ATP6V1E2: variants seen among roughly 807,000 people sequenced by gnomAD.
The protein encoded by ATP6V1E2 is V-type proton ATPase subunit E 2.
For missense variants in ATP6V1E2, 308 were observed against 273.3 expected, an observed-to-expected ratio of 1.13 and a Z score of -0.90; for synonymous variants, 121 against 104.2, an observed-to-expected ratio of 1.16 and a Z score of -0.98.
intron 4 of ATP6V1E2, among the ~76,000 whole-genome samples, chr2:46,532,174 G>A (rs1332255557): frequency 6.6e-6 from 1 of 151,996 alleles, no homozygotes; most frequent in Non-Finnish European, 1.5e-5. Flanking sequence ...AATTCATTTT[G>A]AGTAAATGTC....
At position 46,539,818 on chromosome 2, in the gene ATP6V1E2, C is replaced by T. The variant is rs559912825; in HGVS notation, c.-310+1572G>A. The stretch of plus-strand genomic sequence containing the variant: ...CTCTTAAGCCCCAGGTCAATGACAT[C>T]ACTTCTGCAAATCCTTCCTCAACAC... On this transcript the variant is annotated intron_variant, in intron 2 of 4. Coordinates refer to ENST00000522587, the MANE Select transcript of ATP6V1E2 (RefSeq NM_001318063.2). Among the ~76,000 whole-genome samples the T allele has an allele frequency of 2.0e-5, 3 of 152,340 alleles. No homozygotes were observed. The South Asian group carries it at 6.2e-4, about 32-fold the overall frequency.
intron 4 of ATP6V1E2, chr2:46,518,822 C>T (rs1392256426): frequency 7.2e-6 from 1 of 138,384 alleles, no homozygotes; most frequent in Admixed American, 7.6e-5. Flanking sequence ...TTTAAGGCTC[C>T]CCGGGTAACC....
chr2:46,518,545 G>A (rs1316005568), intron 4 of ATP6V1E2, among the ~76,000 whole-genome samples: 5 of 140,718 alleles, frequency 3.6e-5, no homozygotes, highest in South Asian at 2.2e-4. Context: ...CCAGAAACCC[G>A]TACCACTTCC....
At chr2:46,514,731 A>C (rs905067205) in intron 4 of ATP6V1E2, among the ~76,000 whole-genome samples, 3 of 152,196 alleles carry the variant, frequency 2.0e-5, no homozygotes, top group Non-Finnish European at 4.4e-5. Flanking sequence ...AAGGATAGAA[A>C]GTTTTTAAAG....
In ATP6V1E2 at chr2:46,535,894, T is replaced by C. The variant is rs896342910; in HGVS notation, c.-183A>G. On this transcript the variant is annotated 5_prime_UTR_variant, in exon 4 of 5. Transcript: ENST00000522587. The surrounding 1 kb of genome is among the most constrained non-coding windows in gnomAD (Gnocchi z 4.4). ...TCCACTATGGAAGAACAACTCTGTG[T>C]GAGTCTTGGGATGGTTTTCTGGCAC... The C allele has an allele frequency of 1.3e-5, 2 of 152,252 alleles. No homozygotes were observed. The highest frequency in any genetic ancestry group is 6.5e-5 in the Admixed American group (1 of 15,288). 9.4% of individuals were successfully genotyped at this position (152,252 alleles called of 1,614,324 possible).
intron 2 of ATP6V1E2, among the ~76,000 whole-genome samples, chr2:46,540,562 A>T (rs868264407): frequency 1.3e-5 from 2 of 149,466 alleles, no homozygotes; most frequent in African/African-American, 4.9e-5. Flanking sequence ...ACGCTCAGAA[A>T]CAAAGTGCTT....
At chr2:46,523,122 A>G (rs1666724187) in intron 4 of ATP6V1E2, among the ~76,000 whole-genome samples, 1 of 151,926 alleles carries the variant, frequency 6.6e-6, no homozygotes, top group African/African-American at 2.4e-5. Context: ...TTCCTCGTAA[A>G]TTCTGGATAT....
intron 2 of ATP6V1E2, among the ~76,000 whole-genome samples, chr2:46,537,209 C>T (rs1432908328): frequency 2.0e-5 from 3 of 152,336 alleles, no homozygotes; most frequent in East Asian, 3.9e-4. Context: ...TTGTCACCCA[C>T]TGTGCAGAAA....
intron 4 of ATP6V1E2, among the ~76,000 whole-genome samples, chr2:46,521,699 CT>C (rs1212377503): frequency 2.0e-5 from 3 of 152,004 alleles, no homozygotes; most frequent in Non-Finnish European, 4.4e-5. Context: ...TTCTCTTTTT[CT>C]TTTTCTTTGA....
Position 46,535,221 on chromosome 2 carries a change from C to G in ATP6V1E2, c.-102+592G>C, listed in dbSNP as rs927880605. 1 of 152,184 alleles carries G rather than the reference C, an allele frequency of 6.6e-6. No homozygotes were observed. Among genetic ancestry groups the G allele is most frequent in the Non-Finnish European group, 1.5e-5 (1 of 68,042 alleles). The allele number at this position is 152,184 out of a possible 1,614,324, so 9.4% of individuals were successfully genotyped here. A position where few individuals can be genotyped will look rare whatever the true frequency, so the allele number is the denominator to read the frequency against. ...TCTGAAAAGAGAGGTTTCATATATT[C>G]TGTTCAATTTTAAAGTTGCTCACAT... On this transcript the variant is annotated intron_variant, in intron 4 of 4. Coordinates refer to ENST00000522587, the MANE Select transcript of ATP6V1E2 (RefSeq NM_001318063.2). This position sits in a 1 kb window ranked among gnomAD's most constrained non-coding sequence, Gnocchi z 4.4.
rs547348625 is a variant in ATP6V1E2 at position 46,512,370 on chromosome 2, C to A, written c.342G>T (p.Gly114=). 5.0e-6 allele frequency: 8 copies of A among 1,614,068 alleles called. No individual in the cohort carries two copies. The highest frequency in any genetic ancestry group is 1.1e-5 in the South Asian group (1 of 91,074). ...RIVEDPEVYQ[G]LLDKLVLQGL... ...CCTGGAGCACCAGTTTATCCAGCAGCCCCTGGTAGACCTCTGGGTCCTCCA... is the reference window on the plus strand; with the variant it reads ...CCTGGAGCACCAGTTTATCCAGCAGACCCTGGTAGACCTCTGGGTCCTCCA... Residue 114 remains glycine (G), a synonymous_variant, in exon 5 of 5, where the codon GGG becomes GGT. Coordinates refer to ENST00000522587, the MANE Select transcript of ATP6V1E2 (RefSeq NM_001318063.2).
chr2:46,537,892 G>C (rs1458466746), intron 2 of ATP6V1E2, among the ~76,000 whole-genome samples: 1 of 152,014 alleles, frequency 6.6e-6, no homozygotes, highest in Non-Finnish European at 1.5e-5. Flanking sequence ...GCGTGGTTAG[G>C]AAACAATCGG....
At chr2:46,516,952 T>C (rs1211964514) in intron 4 of ATP6V1E2, among the ~76,000 whole-genome samples, 3 of 152,228 alleles carry the variant, frequency 2.0e-5, no homozygotes, top group African/African-American at 2.4e-5. Flanking sequence ...AAAATCCTGA[T>C]GCTGTTTTTT....
At chr2:46,520,541 T>C (rs1666564294) in intron 4 of ATP6V1E2, among the ~76,000 whole-genome samples, 1 of 152,244 alleles carries the variant, frequency 6.6e-6, no homozygotes, top group African/African-American at 2.4e-5. Context: ...CATTCCCACT[T>C]AACAGCTTTG....
chr2:46,527,669 G>A (rs1241427483), intron 4 of ATP6V1E2, among the ~76,000 whole-genome samples: 1 of 152,036 alleles, frequency 6.6e-6, no homozygotes, highest in Non-Finnish European at 1.5e-5. Flanking sequence ...CCTGGTCCTG[G>A]GTTTGTTGTT....
chr2:46,515,494 T>G (rs1287640765), intron 4 of ATP6V1E2, among the ~76,000 whole-genome samples: 1 of 152,098 alleles, frequency 6.6e-6, no homozygotes, highest in South Asian at 2.1e-4. Flanking sequence ...GAAAATACCT[T>G]TGGAAGTTAC....
chr2:46,539,354 C>T (rs1016473426), intron 2 of ATP6V1E2, among the ~76,000 whole-genome samples: 4 of 152,250 alleles, frequency 2.6e-5, no homozygotes, highest in Non-Finnish European at 4.4e-5. Flanking sequence ...TCTTTTGCTA[C>T]ATAGACCAAG....
At chr2:46,528,169 A>G (rs1332057573) in intron 4 of ATP6V1E2, 1 of 152,254 alleles carries the variant, frequency 6.6e-6, no homozygotes. Flanking sequence ...CACACACACA[A>G]ACATAATATA....
At position 46,535,037 on chromosome 2, in the gene ATP6V1E2, T is replaced by C. The variant is rs900026864; in HGVS notation, c.-102+776A>G. 2 of 152,154 alleles carry C rather than the reference T, an allele frequency of 1.3e-5. No individual in the cohort carries two copies. Among genetic ancestry groups the C allele is most frequent in the African/African-American group, 4.8e-5 (2 of 41,420 alleles). 9.4% of individuals were successfully genotyped at this position (152,154 alleles called of 1,614,324 possible). On this transcript the variant is annotated intron_variant, in intron 4 of 4. Coordinates refer to ENST00000522587, the MANE Select transcript of ATP6V1E2 (RefSeq NM_001318063.2). This position sits in a 1 kb window ranked among gnomAD's most constrained non-coding sequence, Gnocchi z 4.4. The stretch of plus-strand genomic sequence containing the variant: ...CTGCCTTGAAAAGTCTGCTCAACTA[T>C]CTCCTCAACTCAGCAAGACCACTAT...
Sources: allele counts gnomAD v4.1 joint callset (sites outside exome capture counted in the v4.1 genomes callset), GRCh38; gene constraint gnomAD v4.1.1; non-coding constraint Gnocchi (gnomAD v3.1); transcripts MANE v1.5; gene names NCBI Gene and HGNC (gene_info 2026-07-23, HGNC 2026-07-21).